Variants in USH2A observed in about 807,000 individuals in gnomAD.
USH2A encodes the protein usherin.
Under a neutral mutation model 538.9 loss-of-function variants are expected in USH2A, and 443 were observed. That is an observed-to-expected ratio of 0.82 (90% CI 0.76 to 0.89). The LOEUF (loss-of-function observed/expected upper bound fraction) is 0.89. Among genes scored for constraint, USH2A ranks in the 40% least tolerant of loss-of-function variants. The pLI is 0.00. For synonymous variants in USH2A, 2,413 were observed against 2,273.5 expected (o/e 1.06, Z -1.75); for missense variants, 6,633 against 6,324.8 (o/e 1.05, Z -1.65).
chr1:216,251,335 G>A (rs1258043194), intron 11 of USH2A, among the ~76,000 whole-genome samples: 1 of 151,384 alleles, frequency 6.6e-6, no homozygotes, highest in African/African-American at 2.4e-5. Context: ...AAGGGAAATG[G>A]GGAATTAACC....
At chr1:216,287,432 A>C (rs1260134499) in intron 11 of USH2A, among the ~76,000 whole-genome samples, 3 of 152,246 alleles carry the variant, frequency 2.0e-5, no homozygotes, top group Admixed American at 1.3e-4. Flanking sequence ...AGTATGCTGG[A>C]GTACACTGCA....
chr1:215,727,828 G>A (rs1355741995), intron 61 of USH2A, among the ~76,000 whole-genome samples: 1 of 152,030 alleles, frequency 6.6e-6, no homozygotes, highest in East Asian at 1.9e-4. Flanking sequence ...AAAATTAGTC[G>A]TGGTCTACAA....
intron 32 of USH2A, among the ~76,000 whole-genome samples, chr1:216,040,931 G>T (rs901498440): frequency 6.6e-6 from 1 of 151,774 alleles, no homozygotes; most frequent in Admixed American, 6.6e-5. Context: ...AAAATTAATT[G>T]AACCTATACT....
At chr1:215,689,501 T>C (rs1298986920) in intron 61 of USH2A, among the ~76,000 whole-genome samples, 1 of 152,230 alleles carries the variant, frequency 6.6e-6, no homozygotes, top group Non-Finnish European at 1.5e-5. Flanking sequence ...TCCCTCCCCC[T>C]GAGTGCAGTC....
At position 216,359,758 on chromosome 1, in the gene USH2A, A is replaced by G. The variant is rs2038455716; in HGVS notation, c.784+5195T>C. Among the ~76,000 whole-genome samples the G allele has an allele frequency of 2.6e-5, 4 of 152,244 alleles. No homozygotes were observed. In the South Asian group the frequency reaches 6.2e-4, roughly 24 times the overall value. ...AATGATAGGATTGTGTACCTATCATAATAATGAGTTTGGCAAGGTCACTAA... is the reference window on the plus strand; with the variant it reads ...AATGATAGGATTGTGTACCTATCATGATAATGAGTTTGGCAAGGTCACTAA... On this transcript the variant is annotated intron_variant, in intron 4 of 71. Transcript: ENST00000307340.
chr1:216,191,313 G>T (rs552879425), intron 19 of USH2A, among the ~76,000 whole-genome samples: 1 of 152,020 alleles, frequency 6.6e-6, no homozygotes, highest in South Asian at 2.1e-4. Context: ...GTAACATTTG[G>T]AGTAGTTTTC....
At chr1:216,216,063 A>C (rs2035336364) in intron 15 of USH2A, among the ~76,000 whole-genome samples, 1 of 152,124 alleles carries the variant, frequency 6.6e-6, no homozygotes, top group East Asian at 1.9e-4. Flanking sequence ...ATTCCATTAT[A>C]AATGACGATC....
At chr1:215,708,669 A>G (rs769310365) in intron 61 of USH2A, among the ~76,000 whole-genome samples, 1 of 152,120 alleles carries the variant, frequency 6.6e-6, no homozygotes, top group Non-Finnish European at 1.5e-5. Context: ...TTGCTATGTG[A>G]GAAGCAATTG....
chr1:216,148,044 C>G (rs1308002067), intron 21 of USH2A, among the ~76,000 whole-genome samples: 1 of 150,492 alleles, frequency 6.6e-6, no homozygotes, highest in East Asian at 2.0e-4. Context: ...GCCTCGGAAG[C>G]CCCCTAGACC....
intron 60 of USH2A, among the ~76,000 whole-genome samples, chr1:215,736,709 C>T (rs1165647614): frequency 6.6e-6 from 1 of 151,332 alleles, no homozygotes; most frequent in Non-Finnish European, 1.5e-5. Flanking sequence ...TTATACATAC[C>T]CCTCCCAAAT....
At chr1:216,035,318 C>T (rs1187896290) in intron 32 of USH2A, among the ~76,000 whole-genome samples, 1 of 152,118 alleles carries the variant, frequency 6.6e-6, no homozygotes, top group Non-Finnish European at 1.5e-5. Context: ...AATTTGTACA[C>T]AGATAAGCAC....
chr1:216,175,295 A>G lies in USH2A; in HGVS notation c.4584T>C (p.Cys1528=). The change falls in exon 21 of 72, where the codon TGT becomes TGC. Residue 1528 remains cysteine, a synonymous_variant. Transcript: ENST00000307340. ...KGIRFIGNGY[C]KFPSSTHPVN... is the part of the protein sequence containing the mutation. ...CTGGGTGAGTGGAGCTGGGAAATTTACAATACCCATTTCCTATGAAACGGA... is the reference window on the plus strand; with the variant it reads ...CTGGGTGAGTGGAGCTGGGAAATTTGCAATACCCATTTCCTATGAAACGGA... 6.2e-7 allele frequency: 1 copy of G among 1,613,794 alleles called. No individual in the cohort carries two copies. Among genetic ancestry groups the G allele is most frequent in the Non-Finnish European group, 8.5e-7 (1 of 1,179,850 alleles).
chr1:215,944,610 C>T (rs2102434980), intron 37 of USH2A, among the ~76,000 whole-genome samples: 1 of 152,058 alleles, frequency 6.6e-6, no homozygotes, highest in African/African-American at 2.4e-5. Context: ...CTAGACAGTC[C>T]CCTAATTCCA....
intron 9 of USH2A, among the ~76,000 whole-genome samples, chr1:216,311,713 G>A (rs2037423700): frequency 6.6e-6 from 1 of 152,054 alleles, no homozygotes; most frequent in South Asian, 2.1e-4. Flanking sequence ...AACCGCAGGT[G>A]GAGCTTGAAC....
At chr1:216,047,252 G>T (rs2030561742) in intron 31 of USH2A, among the ~76,000 whole-genome samples, 1 of 152,102 alleles carries the variant, frequency 6.6e-6, no homozygotes, top group African/African-American at 2.4e-5. Flanking sequence ...CAAGAGCAGG[G>T]ATCTCTCTGG....
At chr1:215,923,235 T>A (rs920488399) in intron 38 of USH2A, among the ~76,000 whole-genome samples, 2 of 151,984 alleles carry the variant, frequency 1.3e-5, no homozygotes. Context: ...AGATGGGTAG[T>A]GGGTTCCTGT....
At chr1:215,765,747 T>G (rs1310275552) in intron 56 of USH2A, among the ~76,000 whole-genome samples, 1 of 152,190 alleles carries the variant, frequency 6.6e-6, no homozygotes, top group African/African-American at 2.4e-5. Context: ...AAATGCCATT[T>G]TCTCAGTTTG....
At chr1:215,860,203 T>C (rs11120676) in intron 44 of USH2A, among the ~76,000 whole-genome samples, 1,960 of 152,254 alleles carry the variant, frequency 0.013, 51 homozygotes, top group African/African-American at 0.045. Context: ...TAAGCAAAAC[T>C]CTTTTCCTTA....
intron 39 of USH2A, among the ~76,000 whole-genome samples, 190 bp from the exon 40 acceptor site, chr1:215,900,407 G>A (rs533996723): frequency 4.6e-5 from 7 of 152,146 alleles, no homozygotes; most frequent in Admixed American, 2.0e-4. Context: ...GTGTTTATAC[G>A]AGATGTAAAT....
Sources: gnomAD v4.1 joint callset for allele counts (sites outside exome capture counted in the v4.1 genomes callset) on GRCh38, gnomAD v4.1.1 for gene constraint, MANE v1.5 for transcripts, NCBI Gene and HGNC (gene_info 2026-07-23, HGNC 2026-07-21) for gene names.